The following P2RX5 variants were observed in gnomAD, a reference collection of about 807,000 sequenced individuals.
P2RX5 encodes the protein purinergic receptor P2X 5.
P2RX5 carries 46 observed loss-of-function variants against 54.1 expected under a neutral mutation model. That is an observed-to-expected ratio of 0.85 (90% CI 0.67 to 1.09). The LOEUF (loss-of-function observed/expected upper bound fraction) is 1.09. P2RX5 is among the 50% of genes least tolerant of loss of function. The pLI is 0.00. For missense variants in P2RX5, 566 were observed against 549.8 expected, an observed-to-expected ratio of 1.03 and a Z score of -0.29; for synonymous variants, 226 against 226.4, an observed-to-expected ratio of 1.00 and a Z score of 0.02.
chr17:3,713,217 C>T, the P2RX5 span, among the ~76,000 whole-genome samples: 120 of 151,950 alleles, frequency 7.9e-4, 3 homozygotes, highest in Admixed American at 5.3e-3. Flanking sequence ...AAAAATGAGC[C>T]GGGCATAGTG....
chr17:3,711,574 G>A, the P2RX5 span, among the ~76,000 whole-genome samples: 1 of 151,612 alleles, frequency 6.6e-6, no homozygotes, highest in African/African-American at 2.4e-5. Flanking sequence ...TGAAGATGGG[G>A]TTTCTCCATG....
the P2RX5 span, among the ~76,000 whole-genome samples, chr17:3,701,703 A>G: frequency 5.3e-4 from 50 of 94,566 alleles, no homozygotes; most frequent in South Asian, 0.013. Flanking sequence ...TCAGAAAAAA[A>G]AAAAAAAAAA....
At position 3,695,838 on chromosome 17, in the gene P2RX5, C is replaced by T. The variant is rs899853368; in HGVS notation, c.137+31G>A. Reference sequence around the variant, plus strand: ...GGCTGGCACCCGCCCTGCCCCTCCCCCGCCTTCCCAAAAGTCCGCGGAGAA... The same window carrying T: ...GGCTGGCACCCGCCCTGCCCCTCCCTCGCCTTCCCAAAAGTCCGCGGAGAA... On this transcript the variant is annotated intron_variant, in intron 1 of 11. Transcript: ENST00000225328. 12 of 1,611,412 alleles carry T rather than the reference C, an allele frequency of 7.4e-6. No homozygotes were observed. The African/African-American group carries it at 1.2e-4, about 16-fold the overall frequency.
chr17:3,706,078 C>T, the P2RX5 span, among the ~76,000 whole-genome samples: 1 of 152,050 alleles, frequency 6.6e-6, no homozygotes, highest in African/African-American at 2.4e-5. Context: ...CCTCACCTTC[C>T]TGAGTAGCTG....
At chr17:3,695,797 T>C in intron 1 of P2RX5, 72 bp downstream of exon 1, 4 of 1,583,582 alleles carry the variant, frequency 2.5e-6, no homozygotes, top group Middle Eastern at 1.7e-4. Flanking sequence ...TCCAGGACCC[T>C]GGAGAAGGAC....
upstream of P2RX5, among the ~76,000 whole-genome samples, chr17:3,700,991 C>T (rs946192463): frequency 3.3e-5 from 5 of 152,158 alleles, no homozygotes; most frequent in African/African-American, 1.2e-4. Context: ...TGCCTCACCA[C>T]GGCCCCCCTC....
At chr17:3,709,812 G>GGCAGGAGAATCGCTTGAAC in the P2RX5 span, among the ~76,000 whole-genome samples, 1 of 152,162 alleles carries the variant, frequency 6.6e-6, no homozygotes, top group African/African-American at 2.4e-5. Context: ...GGGGGGCTGA[G>GGCAGGAGAATCGCTTGAAC]GCAGGAGAAT....
At chr17:3,714,257 C>T in the P2RX5 span, among the ~76,000 whole-genome samples, 1 of 144,540 alleles carries the variant, frequency 6.9e-6, no homozygotes, top group Admixed American at 7.1e-5. Flanking sequence ...GAGATGGAGT[C>T]TCACTCTGTT....
intron 11 of P2RX5, chr17:3,675,379 A>G: frequency 3.0e-6 from 3 of 985,124 alleles, no homozygotes; most frequent in Non-Finnish European, 3.6e-6. Flanking sequence ...AAATAGTATG[A>G]CTATCCTCAG....
Position 3,689,499 on chromosome 17 carries a change from G to T in P2RX5, c.746C>A (p.Ala249Asp). The change falls in exon 7 of 12, where the codon GCC (alanine) becomes GAC (aspartate). Residue 249 changes from alanine to aspartate, a missense_variant. By Grantham distance (126) the Ala-to-Asp change is moderately radical. Transcript: ENST00000225328. ...TGCGTGCACCCCACCCACCTCCAGGGCTATATCCTGGAAGTCGCTCCCGGC... is the reference window on the plus strand; with the variant it reads ...TGCGTGCACCCCACCCACCTCCAGGTCTATATCCTGGAAGTCGCTCCCGGC... ...RWAGSDFQDI[A>D]LEGGVIGINI... 6.2e-7 allele frequency: 1 copy of T among 1,614,004 alleles called. No individual in the cohort carries two copies. Among genetic ancestry groups the T allele is most frequent in the Non-Finnish European group, 8.5e-7 (1 of 1,179,978 alleles).
chr17:3,690,641 C>T lies in P2RX5; in HGVS notation c.400G>A (p.Asp134Asn), dbSNP rs369632150. Residue 134 changes from aspartate to asparagine, a missense_variant, in exon 4 of 12, where the codon GAC becomes AAC. Physicochemically the swap from Asp to Asn is conservative, Grantham distance 23. Coordinates refer to ENST00000225328, the MANE Select transcript of P2RX5 (RefSeq NM_002561.4). ...GTAACCGCTTCCCCAGCGTGGCAGT[C>T]GCTGTCCTTGGAGCACGCGCCATCA... ...IPDGACSKDSDCHAGEAVTAG... is the reference protein window; with the variant it reads ...IPDGACSKDSNCHAGEAVTAG... 143 of 1,613,330 alleles carry T rather than the reference C, an allele frequency of 8.9e-5. No individual in the cohort carries two copies. Among genetic ancestry groups the T allele is most frequent in the African/African-American group, 1.9e-4 (14 of 74,948 alleles).
upstream of P2RX5, among the ~76,000 whole-genome samples, chr17:3,699,834 G>GAGAA (rs2050802681): frequency 7.5e-6 from 1 of 133,970 alleles, no homozygotes; most frequent in Non-Finnish European, 1.6e-5. Context: ...AAGAGAGAGA[G>GAGAA]AGAGAGAAAG....
chr17:3,699,493 G>C (rs1278859025), upstream of P2RX5, among the ~76,000 whole-genome samples: 1 of 152,010 alleles, frequency 6.6e-6, no homozygotes, highest in Non-Finnish European at 1.5e-5. Flanking sequence ...CAACACTGTA[G>C]TGAGCAATTA....
At chr17:3,699,945 A>AG (rs201777131), upstream of P2RX5, among the ~76,000 whole-genome samples, 2,570 of 133,164 alleles carry the variant, frequency 0.019, 70 homozygotes, top group Non-Finnish European at 0.031. Context: ...AAAGAAAGAA[A>AG]GAAAGAAAGA....
chr17:3,692,391 G>A (rs997187120), intron 1 of P2RX5, among the ~76,000 whole-genome samples: 1 of 152,128 alleles, frequency 6.6e-6, no homozygotes, highest in African/African-American at 2.4e-5. Flanking sequence ...GACAAGCCTG[G>A]GCTGAAGCCA....
Position 3,691,793 on chromosome 17 carries a change from A to T in P2RX5, c.139T>A (p.Trp47Arg). ...QASILAYLVV[W>R]VFLIKKGYQD... is the part of the protein sequence containing the mutation. ...TAACCCTTCTTTATCAGGAACACCC[A>T]TCTGTGGGAAGGGGGCCGGTACGTG... Residue 47 changes from tryptophan to arginine, a missense_variant and splice_region_variant, in exon 2 of 12, where the codon TGG becomes AGG. Physicochemically the swap from Trp to Arg is moderately radical, Grantham distance 101. Coordinates refer to ENST00000225328, the MANE Select transcript of P2RX5 (RefSeq NM_002561.4). 6.2e-7 allele frequency: 1 copy of T among 1,614,130 alleles called. No individual in the cohort carries two copies.
intron 11 of P2RX5, among the ~76,000 whole-genome samples, chr17:3,678,708 G>A (rs2050158883): frequency 6.6e-6 from 1 of 152,246 alleles, no homozygotes; most frequent in African/African-American, 2.4e-5. Flanking sequence ...GCTGGGCCAG[G>A]AGAAAGGCCA....
rs759707956 is a variant in P2RX5 at position 3,688,728 on chromosome 17, T to C, written c.785A>G (p.Asn262Ser). 2.9e-5 allele frequency: 47 copies of C among 1,613,766 alleles called. No homozygotes were observed. Among genetic ancestry groups the C allele is most frequent in the Non-Finnish European group, 4.0e-5 (47 of 1,179,846 alleles). ...GGVIGINIEW[N>S]CDLDKAASEC... ...AGAGGCAGCTTTATCAAGATCACAGTTCCATTCAATATTAATTCCTATCAC... is the reference window on the plus strand; with the variant it reads ...AGAGGCAGCTTTATCAAGATCACAGCTCCATTCAATATTAATTCCTATCAC... Residue 262 changes from asparagine (N) to serine (S), a missense_variant, in exon 8 of 12, where the codon AAC becomes AGC. Transcript: ENST00000225328.
At chr17:3,683,429 C>T (rs2050341140) in intron 9 of P2RX5, among the ~76,000 whole-genome samples, 1 of 152,246 alleles carries the variant, frequency 6.6e-6, no homozygotes, top group East Asian at 1.9e-4. Context: ...ATTTTACCCA[C>T]ATCACAAGAA....
Sources: allele counts gnomAD v4.1 joint callset (sites outside exome capture counted in the v4.1 genomes callset), GRCh38; gene constraint gnomAD v4.1.1; transcripts MANE v1.5; gene names NCBI Gene and HGNC (gene_info 2026-07-23, HGNC 2026-07-21).